PRKG1: variants seen among roughly 807,000 people sequenced by gnomAD.
The protein encoded by PRKG1 is protein kinase cGMP-dependent 1, also known as cGMP-dependent protein kinase 1.
PRKG1 carries 35 observed loss-of-function variants against 88.1 expected under a neutral mutation model. The ratio of observed to expected loss-of-function variants is 0.40; its 90% CI spans 0.30 to 0.53. The LOEUF (loss-of-function observed/expected upper bound fraction) is 0.53, where lower values mean the gene tolerates loss of function less well. PRKG1 is among the 20% of genes least tolerant of loss of function. The probability of loss-of-function intolerance (pLI) is 0.59; values close to 1 mark genes in which losing one functional copy is unlikely to be tolerated. For synonymous variants in PRKG1, 303 were observed against 292.5 expected, an observed-to-expected ratio of 1.04 and a Z score of -0.37; for missense variants, 540 against 839.8, an observed-to-expected ratio of 0.64 and a Z score of 4.41.
upstream of PRKG1, among the ~76,000 whole-genome samples, chr10:51,073,040 C>A (rs1186058392): frequency 2.0e-5 from 3 of 152,054 alleles, no homozygotes; most frequent in Non-Finnish European, 4.4e-5. Context: ...GAATAGTAAT[C>A]AAAAATCTGC....
chr10:52,164,462 T>C (rs1331369284), intron 9 of PRKG1, among the ~76,000 whole-genome samples: 1 of 152,196 alleles, frequency 6.6e-6, no homozygotes, highest in Non-Finnish European at 1.5e-5. Context: ...ACAGATTCCA[T>C]GTCTATTATG....
At chr10:51,487,251 C>T (rs1840574863) in intron 3 of PRKG1, among the ~76,000 whole-genome samples, 1 of 152,044 alleles carries the variant, frequency 6.6e-6, no homozygotes, top group African/African-American at 2.4e-5. Flanking sequence ...AATAAGAATA[C>T]ATGTTTAAAA....
At chr10:51,156,314 A>ACAC (rs60689292) in intron 2 of PRKG1, among the ~76,000 whole-genome samples, 5,632 of 147,102 alleles carry the variant, frequency 0.038, 390 homozygotes, top group African/African-American at 0.13. Flanking sequence ...CACACACACA[A>ACAC]ACACACACAC....
At chr10:51,358,422 G>T (rs534606771) in intron 2 of PRKG1, among the ~76,000 whole-genome samples, 3 of 152,008 alleles carry the variant, frequency 2.0e-5, no homozygotes, top group Middle Eastern at 3.4e-3. Context: ...CAAGTGTCAA[G>T]GAATGACAGG....
intron 5 of PRKG1, among the ~76,000 whole-genome samples, chr10:52,038,026 C>T (rs376165572): frequency 1.8e-4 from 27 of 152,192 alleles, no homozygotes; most frequent in African/African-American, 5.1e-4. Flanking sequence ...GGCTATTTTA[C>T]GACAAGAATT....
intron 3 of PRKG1, among the ~76,000 whole-genome samples, chr10:51,661,505 G>A (rs905688708): frequency 2.6e-5 from 4 of 151,974 alleles, no homozygotes; most frequent in Non-Finnish European, 4.4e-5. Context: ...TCATCAGAGA[G>A]ATGCAAATCA....
At chr10:51,763,410 A>G (rs1838072844) in intron 3 of PRKG1, among the ~76,000 whole-genome samples, 1 of 151,546 alleles carries the variant, frequency 6.6e-6, no homozygotes, top group African/African-American at 2.4e-5. Flanking sequence ...TAATTTAAAA[A>G]CTACACAGCT....
intron 5 of PRKG1, among the ~76,000 whole-genome samples, chr10:51,969,633 C>T (rs1370741908): frequency 6.6e-6 from 1 of 151,674 alleles, no homozygotes; most frequent in African/African-American, 2.4e-5. Flanking sequence ...AGAAAATATG[C>T]AAATAGTCAA....
At chr10:51,621,021 A>G (rs1435527229) in intron 3 of PRKG1, among the ~76,000 whole-genome samples, 1 of 146,454 alleles carries the variant, frequency 6.8e-6, no homozygotes, top group Non-Finnish European at 1.5e-5. Context: ...ATATATATAT[A>G]TATATATATA....
At chr10:51,915,848 A>C (rs934426404) in intron 5 of PRKG1, among the ~76,000 whole-genome samples, 13 of 152,162 alleles carry the variant, frequency 8.5e-5, no homozygotes. Flanking sequence ...GGACACAAAA[A>C]ATTTCTTAAC....
At chr10:52,146,827 T>C (rs1368835874) in intron 8 of PRKG1, among the ~76,000 whole-genome samples, 1 of 152,178 alleles carries the variant, frequency 6.6e-6, no homozygotes, top group African/African-American at 2.4e-5. Flanking sequence ...ATATGTATTT[T>C]TTAAATTATT....
At chr10:51,596,386 T>G (rs559448970) in intron 3 of PRKG1, among the ~76,000 whole-genome samples, 4 of 152,342 alleles carry the variant, frequency 2.6e-5, no homozygotes, top group Non-Finnish European at 4.4e-5. Flanking sequence ...ACACACTTCA[T>G]TTATTACAGT....
At chr10:51,376,425 G>T (rs1181937776) in intron 2 of PRKG1, among the ~76,000 whole-genome samples, 3 of 151,924 alleles carry the variant, frequency 2.0e-5, no homozygotes, top group Admixed American at 6.6e-5. Flanking sequence ...CACCATATTG[G>T]TATATCAAAA....
chr10:51,142,759 A>G (rs948342522), intron 1 of PRKG1, among the ~76,000 whole-genome samples: 2 of 152,122 alleles, frequency 1.3e-5, no homozygotes, highest in African/African-American at 2.4e-5. Flanking sequence ...CAATAATACA[A>G]TGAAACGTTA....
intron 5 of PRKG1, among the ~76,000 whole-genome samples, chr10:51,923,501 A>G (rs1842506625): frequency 6.6e-6 from 1 of 150,490 alleles, no homozygotes; most frequent in Non-Finnish European, 1.5e-5. Flanking sequence ...TTGACATAAT[A>G]TGCTAATATT....
At chr10:51,981,136 C>G (rs537013856) in intron 5 of PRKG1, among the ~76,000 whole-genome samples, 25 of 152,214 alleles carry the variant, frequency 1.6e-4, no homozygotes, top group African/African-American at 5.3e-4. Flanking sequence ...GGTCTTTTCT[C>G]TTCATATTTA....
At chr10:51,702,049 T>C (rs2132416022) in intron 3 of PRKG1, among the ~76,000 whole-genome samples, 2 of 152,320 alleles carry the variant, frequency 1.3e-5, no homozygotes, top group Middle Eastern at 3.4e-3. Flanking sequence ...GTACACTCTA[T>C]TAAAAGGTTT....
At chr10:51,026,113 A>C (rs1843201585) in intron 1 of PRKG1, among the ~76,000 whole-genome samples, 2 of 152,068 alleles carry the variant, frequency 1.3e-5, no homozygotes, top group Admixed American at 6.6e-5. Flanking sequence ...ACAGCAAACC[A>C]CCAGAAGCTA....
chr10:51,284,865 C>CTTTTTTTTTTTTTTTTTTTTTCTATT (rs1840393822), intron 2 of PRKG1, among the ~76,000 whole-genome samples: 1 of 51,698 alleles, frequency 1.9e-5, no homozygotes, highest in Non-Finnish European at 3.6e-5. Flanking sequence ...GTTGTGGGTA[C>CTTTTTTTTTTTTTTTTTTTTTCTATT]TTTTTTTTTT....
Sources: allele counts gnomAD v4.1 joint callset (sites outside exome capture counted in the v4.1 genomes callset), GRCh38; gene constraint gnomAD v4.1.1; transcripts MANE v1.5; gene names NCBI Gene and HGNC (gene_info 2026-07-23, HGNC 2026-07-21).